Variants in WDFY1 observed in about 807,000 individuals in gnomAD.
The protein encoded by WDFY1 is WD repeat and FYVE domain containing 1.
In WDFY1, 32 loss-of-function variants were observed where a neutral mutation model predicts 56.4. The ratio of observed to expected loss-of-function variants is 0.57; its 90% CI spans 0.43 to 0.76. The LOEUF (loss-of-function observed/expected upper bound fraction) is 0.76, where lower values mean the gene tolerates loss of function less well. WDFY1 is among the 30% of genes least tolerant of loss of function. WDFY1 has a pLI of 0.00. For synonymous variants in WDFY1, 192 were observed against 197.3 expected, an observed-to-expected ratio of 0.97 and a Z score of 0.23; for missense variants, 480 against 545.7, an observed-to-expected ratio of 0.88 and a Z score of 1.20.
At chr2:223,918,337 G>T (rs1015628273) in intron 1 of WDFY1, among the ~76,000 whole-genome samples, 2 of 152,084 alleles carry the variant, frequency 1.3e-5, no homozygotes, top group African/African-American at 4.8e-5. Flanking sequence ...TCAATAATAT[G>T]AAAATGTTCG....
intron 6 of WDFY1, among the ~76,000 whole-genome samples, chr2:223,896,071 G>T (rs1693363389): frequency 7.0e-6 from 1 of 143,502 alleles, no homozygotes; most frequent in Non-Finnish European, 1.5e-5. Flanking sequence ...TGGGAGAATT[G>T]CTTGAACCCA....
intron 1 of WDFY1, among the ~76,000 whole-genome samples, chr2:223,938,619 G>A (rs536727755): frequency 6.6e-6 from 1 of 152,252 alleles, no homozygotes; most frequent in South Asian, 2.1e-4. Context: ...AATCCATAAA[G>A]GTTTCTAAGC....
chr2:223,941,830 A>G (rs1035371505), intron 1 of WDFY1, among the ~76,000 whole-genome samples: 21 of 152,336 alleles, frequency 1.4e-4, no homozygotes, highest in Non-Finnish European at 2.8e-4. Flanking sequence ...CGTGACACGT[A>G]TTTATGACAA....
intron 2 of WDFY1, among the ~76,000 whole-genome samples, chr2:223,915,023 A>G (rs1693764355): frequency 6.6e-6 from 1 of 152,268 alleles, no homozygotes; most frequent in African/African-American, 2.4e-5. Flanking sequence ...TAATCTGCGG[A>G]TAGCTTTTAG....
rs182057343 is a variant in WDFY1 at position 223,922,375 on chromosome 2, G to A, written c.138-4365C>T. On this transcript the variant is annotated intron_variant, in intron 1 of 11. Coordinates refer to ENST00000233055, the MANE Select transcript of WDFY1 (RefSeq NM_020830.5). ...ATCAGAATGTTTATGGATACATTCC[G>A]ACATAGGGGATGAAGCCAAAACCAT... 9.2e-5 allele frequency among the ~76,000 whole-genome samples: 14 copies of A among 152,256 alleles called. No individual in the cohort carries two copies. The East Asian group carries it at 1.2e-3, about 13-fold the overall frequency.
rs552198042 is a variant in WDFY1 at position 223,876,829 on chromosome 2, G to A, written c.*1842C>T. The A allele has an allele frequency of 2.0e-5, 3 of 152,188 alleles. No homozygotes were observed. In the South Asian group the frequency reaches 6.2e-4, roughly 32 times the overall value. The allele number at this position is 152,188 out of a possible 1,614,324, so 9.4% of individuals were successfully genotyped here. On this transcript the variant is annotated 3_prime_UTR_variant, in exon 12 of 12. Transcript: ENST00000233055. ...TGATCATATTCTATTTTCCTTTCAG[G>A]AATTCATAAAATCCCTAGGATAGCA...
At chr2:223,898,420 GAC>G (rs1303974841) in intron 6 of WDFY1, among the ~76,000 whole-genome samples, 1 of 151,908 alleles carries the variant, frequency 6.6e-6, no homozygotes, top group East Asian at 1.9e-4. Context: ...ATTTTTTTGA[GAC>G]AGAGTCTCAC....
intron 1 of WDFY1, among the ~76,000 whole-genome samples, chr2:223,940,174 C>G (rs894948520): frequency 6.6e-6 from 1 of 152,148 alleles, no homozygotes; most frequent in African/African-American, 2.4e-5. Context: ...CAAAAGTTAG[C>G]TGGGTGTGGT....
intron 1 of WDFY1, among the ~76,000 whole-genome samples, chr2:223,919,296 C>T (rs1693850613): frequency 6.6e-6 from 1 of 152,200 alleles, no homozygotes; most frequent in Non-Finnish European, 1.5e-5. Flanking sequence ...CTGCAACCGC[C>T]ACCTCCCGGG....
intron 1 of WDFY1, among the ~76,000 whole-genome samples, chr2:223,932,117 C>CTTTTTTT (rs35246074): frequency 1.2e-4 from 11 of 94,020 alleles, no homozygotes; most frequent in Admixed American, 2.8e-4. Flanking sequence ...GTATGAGTAC[C>CTTTTTTT]TTTTTTTTTT....
At chr2:223,930,923 T>C (rs1286768860) in intron 1 of WDFY1, among the ~76,000 whole-genome samples, 1 of 152,242 alleles carries the variant, frequency 6.6e-6, no homozygotes, top group Non-Finnish European at 1.5e-5. Flanking sequence ...TGAGTGAGCC[T>C]GGCTGAGGCC....
intron 1 of WDFY1, among the ~76,000 whole-genome samples, chr2:223,931,688 T>TA: frequency 2.4e-5 from 1 of 41,678 alleles, no homozygotes; most frequent in South Asian, 1.0e-3. Context: ...TTTTCTTTCT[T>TA]TTTTTTTTTT....
chr2:223,909,529 G>T (rs1247348969), intron 3 of WDFY1, among the ~76,000 whole-genome samples: 2 of 151,976 alleles, frequency 1.3e-5, no homozygotes, highest in East Asian at 3.9e-4. Flanking sequence ...TGTTTATCCT[G>T]TGCCAACTTC....
At chr2:223,882,603 T>C (rs1000033398) in intron 9 of WDFY1, among the ~76,000 whole-genome samples, 2 of 152,268 alleles carry the variant, frequency 1.3e-5, no homozygotes, top group Non-Finnish European at 2.9e-5. Context: ...CATTCATTCA[T>C]ATTATCTGTC....
chr2:223,926,375 G>A (rs1693978374), intron 1 of WDFY1, among the ~76,000 whole-genome samples: 1 of 152,002 alleles, frequency 6.6e-6, no homozygotes, highest in South Asian at 2.1e-4. Context: ...AAGTGATCCT[G>A]CCACCTCAGC....
At chr2:223,901,435 G>A in intron 4 of WDFY1, 102 bp from the exon 5 acceptor site, 1 of 1,315,186 alleles carries the variant, frequency 7.6e-7, no homozygotes, top group Non-Finnish European at 1.0e-6. Context: ...GGGCACAGCT[G>A]TGTACAAGAG....
chr2:223,878,568 G>T lies in WDFY1; in HGVS notation c.*103C>A. 1 of 822,174 alleles carries T rather than the reference G, an allele frequency of 1.2e-6. No homozygotes were observed. The highest frequency in any genetic ancestry group is 2.0e-6 in the Non-Finnish European group (1 of 502,686). 50.9% of individuals were successfully genotyped at this position (822,174 alleles called of 1,614,324 possible). On this transcript the variant is annotated 3_prime_UTR_variant, in exon 12 of 12. Coordinates refer to ENST00000233055, the MANE Select transcript of WDFY1 (RefSeq NM_020830.5). ...TTTAAAAATGTTGATTTGTTTGTAA[G>T]TGGCTACTGTCCATTCACGAGACAG... is the stretch of plus-strand genomic sequence containing the variant.
intron 2 of WDFY1, among the ~76,000 whole-genome samples, chr2:223,916,908 G>A (rs1450383738): frequency 1.3e-5 from 2 of 150,588 alleles, no homozygotes; most frequent in African/African-American, 4.9e-5. Context: ...TCTGCTTCCC[G>A]GATTGAAGCG....
intron 1 of WDFY1, among the ~76,000 whole-genome samples, chr2:223,933,877 G>GT (rs1244512420): frequency 1.4e-5 from 2 of 140,820 alleles, no homozygotes; most frequent in East Asian, 4.6e-4. Context: ...TGGAAGGATC[G>GT]TTTGAGCCCA....
Sources: allele counts gnomAD v4.1 joint callset (sites outside exome capture counted in the v4.1 genomes callset), GRCh38; gene constraint gnomAD v4.1.1; transcripts MANE v1.5; gene names NCBI Gene and HGNC (gene_info 2026-07-23, HGNC 2026-07-21).